SLC39A11: variants seen among roughly 807,000 people sequenced by gnomAD.
SLC39A11 encodes zinc transporter ZIP11.
Under a neutral mutation model 36.1 loss-of-function variants are expected in SLC39A11, and 33 were observed. The ratio of observed to expected loss-of-function variants is 0.91; its 90% CI spans 0.69 to 1.22. The LOEUF (loss-of-function observed/expected upper bound fraction) is 1.22. SLC39A11 is among the 50% of genes most tolerant of loss of function. SLC39A11 has a pLI of 0.00. For missense variants in SLC39A11, 432 were observed against 430.3 expected, an observed-to-expected ratio of 1.00 and a Z score of -0.03; for synonymous variants, 166 against 170.3, an observed-to-expected ratio of 0.97 and a Z score of 0.20.
intron 5 of SLC39A11, among the ~76,000 whole-genome samples, chr17:72,877,275 A>T (rs1469958542): frequency 6.6e-6 from 1 of 152,234 alleles, no homozygotes; most frequent in Non-Finnish European, 1.5e-5. Context: ...CTGTCTTTCC[A>T]ATCTAACTGC....
chr17:72,780,448 G>A (rs1293692417), intron 6 of SLC39A11, among the ~76,000 whole-genome samples: 1 of 148,512 alleles, frequency 6.7e-6, no homozygotes, highest in Non-Finnish European at 1.5e-5. Flanking sequence ...GGATGAAAGA[G>A]GCAGTAGTCA....
chr17:72,667,325 C>T (rs2070799345), intron 7 of SLC39A11, among the ~76,000 whole-genome samples: 1 of 152,198 alleles, frequency 6.6e-6, no homozygotes, highest in South Asian at 2.1e-4. Flanking sequence ...ATGGAAAGCA[C>T]ATGGCCTGCT....
intron 7 of SLC39A11, among the ~76,000 whole-genome samples, chr17:72,693,729 C>T (rs1173822336): frequency 6.6e-6 from 1 of 152,158 alleles, no homozygotes. Context: ...ATGGCGCAAT[C>T]TCGGCTCACT....
intron 6 of SLC39A11, among the ~76,000 whole-genome samples, chr17:72,836,575 A>G (rs530068201): frequency 6.6e-6 from 1 of 152,172 alleles, no homozygotes; most frequent in East Asian, 1.9e-4. Context: ...TCCCAGGTTC[A>G]AGCGATTCAC....
At chr17:72,981,128 T>C (rs946143165) in intron 4 of SLC39A11, among the ~76,000 whole-genome samples, 1 of 152,130 alleles carries the variant, frequency 6.6e-6, no homozygotes, top group Non-Finnish European at 1.5e-5. Flanking sequence ...TGTAATAACA[T>C]ATTTTATTTT....
intron 3 of SLC39A11, among the ~76,000 whole-genome samples, chr17:73,051,854 T>C (rs1439285390): frequency 1.4e-5 from 2 of 146,524 alleles, no homozygotes; most frequent in Non-Finnish European, 3.0e-5. Flanking sequence ...CGAGATTCCA[T>C]CTCAAAAGCA....
chr17:72,757,521 T>C (rs886480804), intron 6 of SLC39A11, among the ~76,000 whole-genome samples: 1 of 151,786 alleles, frequency 6.6e-6, no homozygotes, highest in Non-Finnish European at 1.5e-5. Flanking sequence ...GAGGACAGTT[T>C]CGGTTGTGGG....
intron 6 of SLC39A11, among the ~76,000 whole-genome samples, chr17:72,782,613 G>T (rs2076355223): frequency 6.7e-6 from 1 of 148,918 alleles, no homozygotes; most frequent in African/African-American, 2.5e-5. Flanking sequence ...TGTTTGAACT[G>T]GGAGATGGAG....
At chr17:72,993,560 C>T (rs577070873) in intron 4 of SLC39A11, among the ~76,000 whole-genome samples, 2 of 152,290 alleles carry the variant, frequency 1.3e-5, no homozygotes, top group East Asian at 3.9e-4. Context: ...GAGGCGATTC[C>T]ACTGGATCAA....
chr17:72,724,359 G>T (rs548828711), intron 7 of SLC39A11, among the ~76,000 whole-genome samples: 17 of 152,178 alleles, frequency 1.1e-4, no homozygotes, highest in Middle Eastern at 3.4e-3. Context: ...TTTTCCAAAA[G>T]CTTGCTCAAA....
intron 5 of SLC39A11, among the ~76,000 whole-genome samples, chr17:72,872,413 C>G (rs1367209794): frequency 6.6e-6 from 1 of 152,160 alleles, no homozygotes; most frequent in African/African-American, 2.4e-5. Flanking sequence ...CGGGTACAAC[C>G]CACCCAACTC....
intron 6 of SLC39A11, among the ~76,000 whole-genome samples, chr17:72,738,672 C>G (rs551759892): frequency 6.6e-6 from 1 of 152,160 alleles, no homozygotes; most frequent in Admixed American, 6.5e-5. Flanking sequence ...GATCCAAACA[C>G]GAAGGAGAAC....
At chr17:72,720,232 A>G (rs1250186498) in intron 7 of SLC39A11, among the ~76,000 whole-genome samples, 1 of 152,136 alleles carries the variant, frequency 6.6e-6, no homozygotes, top group Admixed American at 6.5e-5. Flanking sequence ...ATGAGCATGC[A>G]CAGTCCATGC....
chr17:72,961,977 T>C (rs1427010733), intron 4 of SLC39A11, among the ~76,000 whole-genome samples: 1 of 152,220 alleles, frequency 6.6e-6, no homozygotes, highest in African/African-American at 2.4e-5. Context: ...TCAATGTTTC[T>C]TTAACGGGGC....
chr17:73,086,636 A>G (rs1332642876), intron 2 of SLC39A11, among the ~76,000 whole-genome samples: 3 of 152,094 alleles, frequency 2.0e-5, no homozygotes, highest in Admixed American at 1.3e-4. Flanking sequence ...CCTGAGCAAC[A>G]TAGTGAAACC....
In SLC39A11 at chr17:73,088,698, C is replaced by T. The variant is rs1340014382; in HGVS notation, c.67G>A (p.Ala23Thr). 2 of 1,612,728 alleles carry T rather than the reference C, an allele frequency of 1.2e-6. No homozygotes were observed. The highest frequency in any genetic ancestry group is 1.7e-6 in the Non-Finnish European group (2 of 1,179,492). Residue 23 changes from alanine (A) to threonine (T), a missense_variant, in exon 2 of 10, where the codon GCA (alanine) becomes ACA (threonine). Physicochemically the swap from Ala to Thr is moderately conservative, Grantham distance 58. Coordinates refer to ENST00000255559, the MANE Select transcript of SLC39A11 (RefSeq NM_139177.4). ...LGTFFTWGMTAAGAALVFVFS... is the reference protein window; with the variant it reads ...LGTFFTWGMTTAGAALVFVFS... The stretch of plus-strand genomic sequence containing the variant: ...ACGAACACGAGAGCTGCCCCAGCTG[C>T]TGTCATCCCCCAGGTGAAGAAGGTC...
chr17:73,008,318 T>C (rs1253464339), intron 4 of SLC39A11, among the ~76,000 whole-genome samples: 2 of 152,128 alleles, frequency 1.3e-5, no homozygotes, highest in Non-Finnish European at 2.9e-5. Flanking sequence ...TTAATAAGAT[T>C]ATTCTGGCTA....
intron 6 of SLC39A11, among the ~76,000 whole-genome samples, chr17:72,823,379 G>A (rs2077878562): frequency 6.6e-6 from 1 of 151,118 alleles, no homozygotes; most frequent in African/African-American, 2.4e-5. Context: ...CCTTCAGTGG[G>A]CTTTCCAGAC....
intron 3 of SLC39A11, among the ~76,000 whole-genome samples, chr17:73,041,472 T>C (rs534212940): frequency 1.3e-5 from 2 of 152,246 alleles, no homozygotes; most frequent in African/African-American, 4.8e-5. Flanking sequence ...AAGAAGCAAG[T>C]AAACTCCAGA....
Sources: gnomAD v4.1 joint callset for allele counts (sites outside exome capture counted in the v4.1 genomes callset) on GRCh38, gnomAD v4.1.1 for gene constraint, MANE v1.5 for transcripts, NCBI Gene and HGNC (gene_info 2026-07-23, HGNC 2026-07-21) for gene names.